Variants in SLC35A1 observed in about 807,000 individuals in gnomAD.
The protein encoded by SLC35A1 is CMP-sialic acid transporter.
Under a neutral mutation model 40.3 loss-of-function variants are expected in SLC35A1, and 21 were observed. That is an observed-to-expected ratio of 0.52 (90% CI 0.37 to 0.75). The LOEUF (loss-of-function observed/expected upper bound fraction) is 0.75, where lower values mean the gene tolerates loss of function less well. Among genes scored for constraint, SLC35A1 ranks in the 30% least tolerant of loss-of-function variants. The pLI, the probability that SLC35A1 is intolerant of heterozygous loss-of-function variation, is 0.00. For missense variants in SLC35A1, 297 were observed against 382.1 expected, an observed-to-expected ratio of 0.78 and a Z score of 1.86; for synonymous variants, 146 against 147.3, an observed-to-expected ratio of 0.99 and a Z score of 0.06.
intron 7 of SLC35A1, among the ~76,000 whole-genome samples, chr6:87,510,946 T>C (rs1299915694): frequency 6.6e-6 from 1 of 152,066 alleles, no homozygotes. Flanking sequence ...TCGCCTCATC[T>C]CCGATTAAGA....
chr6:87,491,174 A>G (rs1197678510), intron 2 of SLC35A1, among the ~76,000 whole-genome samples: 2 of 152,218 alleles, frequency 1.3e-5, no homozygotes, highest in East Asian at 3.8e-4. Context: ...TTTGCATTAT[A>G]TTAATTTGAT....
chr6:87,488,665 G>C (rs1435793927), intron 2 of SLC35A1: 1 of 152,186 alleles, frequency 6.6e-6, no homozygotes, highest in Non-Finnish European at 1.5e-5. Flanking sequence ...AGAATCTTCA[G>C]GTCCCAAGAA....
intron 2 of SLC35A1, among the ~76,000 whole-genome samples, chr6:87,497,915 G>T (rs1208100302): frequency 2.0e-5 from 3 of 147,954 alleles, no homozygotes; most frequent in African/African-American, 7.5e-5. Flanking sequence ...TTTTTTAAGA[G>T]AAGGGATTTT....
chr6:87,477,302 T>A, intron 1 of SLC35A1, 60 bp from the exon 2 acceptor site: 1 of 1,362,326 alleles, frequency 7.3e-7, no homozygotes, highest in Non-Finnish European at 1.0e-6. Flanking sequence ...AACTAGTTTA[T>A]TAACTTATAT....
intron 1 of SLC35A1, among the ~76,000 whole-genome samples, chr6:87,475,641 A>T (rs1214120763): frequency 2.0e-5 from 3 of 152,220 alleles, no homozygotes; most frequent in African/African-American, 7.2e-5. Context: ...GAAAATATTT[A>T]TATTGAAGAA....
chr6:87,473,815 T>G (rs771090372), intron 1 of SLC35A1, among the ~76,000 whole-genome samples: 1 of 152,234 alleles, frequency 6.6e-6, no homozygotes, highest in Admixed American at 6.5e-5. Flanking sequence ...CCAGGAGAAG[T>G]TGGGCAACAC....
chr6:87,478,922 ATGGCTCTGTCGTTCCCCT>A, intron 2 of SLC35A1, among the ~76,000 whole-genome samples: 1 of 152,298 alleles, frequency 6.6e-6, no homozygotes, highest in Admixed American at 6.5e-5. Flanking sequence ...CGTGGCCTCT[ATGGCTCTGTCGTTCCCCT>A]ATTGGCTAGG....
chr6:87,474,484 G>A (rs1219004719), intron 1 of SLC35A1, among the ~76,000 whole-genome samples: 2 of 152,232 alleles, frequency 1.3e-5, no homozygotes, highest in Admixed American at 6.5e-5. Flanking sequence ...GGGTTAAGAT[G>A]TGGCTGCCAG....
In SLC35A1 at chr6:87,509,183, T is replaced by G; in HGVS notation, c.886+8T>G. On this transcript the variant is annotated splice_region_variant and intron_variant, in intron 7 of 7. Transcript: ENST00000369552. ...TGTTTGGATTACAGATAAGTATGTC[T>G]TAGTTTGTGTTGAGTTTTTAACATG... is the stretch of plus-strand genomic sequence containing the variant. 1.2e-6 allele frequency: 2 copies of G among 1,614,026 alleles called. No homozygotes were observed. Among genetic ancestry groups the G allele is most frequent in the Non-Finnish European group, 1.7e-6 (2 of 1,179,906 alleles).
intron 2 of SLC35A1, among the ~76,000 whole-genome samples, chr6:87,487,578 C>A (rs12191498): frequency 1.3e-5 from 2 of 152,114 alleles, no homozygotes; most frequent in South Asian, 4.1e-4. Context: ...TATAACATGC[C>A]TGAACAAAGC....
intron 2 of SLC35A1, among the ~76,000 whole-genome samples, chr6:87,499,343 AC>A (rs1188844346): frequency 1.3e-5 from 2 of 152,236 alleles, no homozygotes; most frequent in Non-Finnish European, 1.5e-5. Flanking sequence ...TATTTCACCA[AC>A]AAAGTATTAT....
In SLC35A1 at chr6:87,511,758, A is replaced by AT. The variant is rs1489740772; in HGVS notation, c.*234dup. The AT allele has an allele frequency of 7.6e-6, 4 of 528,120 alleles. No individual in the cohort carries two copies. The African/African-American group carries it at 7.7e-5, about 10-fold the overall frequency. The allele number at this position is 528,120 out of a possible 1,614,324, so 32.7% of individuals were successfully genotyped here. On this transcript the variant is annotated 3_prime_UTR_variant, in exon 8 of 8. Transcript: ENST00000369552. ...TATTGTTTTAGAATGAAGGAATTGT[A>AT]TTATTGTGTGTATATATAATTTGTA...
intron 2 of SLC35A1, among the ~76,000 whole-genome samples, chr6:87,479,020 CG>C (rs1181336684): frequency 2.6e-5 from 4 of 151,972 alleles, no homozygotes; most frequent in African/African-American, 7.2e-5. Flanking sequence ...AGTGGTTTGG[CG>C]GGAAAAATGG....
intron 1 of SLC35A1, among the ~76,000 whole-genome samples, 196 bp from the exon 2 acceptor site, chr6:87,477,166 G>GGTGTGT (rs71018020): frequency 0.034 from 5,106 of 149,828 alleles, 144 homozygotes; most frequent in African/African-American, 0.083. Context: ...AGTCAGCTGT[G>GGTGTGT]GTGTGTGTGT....
At chr6:87,479,390 C>T (rs550450774) in intron 2 of SLC35A1, among the ~76,000 whole-genome samples, 1 of 152,168 alleles carries the variant, frequency 6.6e-6, no homozygotes, top group Non-Finnish European at 1.5e-5. Flanking sequence ...CAGCACCCGA[C>T]AAGAATAAGT....
At chr6:87,499,773 C>G (rs1041229296) in intron 2 of SLC35A1, among the ~76,000 whole-genome samples, 23 of 152,174 alleles carry the variant, frequency 1.5e-4, no homozygotes, top group African/African-American at 5.3e-4. Flanking sequence ...ACTTAACGAA[C>G]TACCAAAGCC....
At position 87,506,514 on chromosome 6, in the gene SLC35A1, C is replaced by CCT. The variant is rs1770087960; in HGVS notation, c.574+66_574+67insCT. The CCT allele has an allele frequency of 1.1e-5, 13 of 1,220,902 alleles. 1 individual carries two copies. In the South Asian group the frequency reaches 1.6e-4, roughly 15 times the overall value. 75.6% of individuals were successfully genotyped at this position (1,220,902 alleles called of 1,614,324 possible). A position where few individuals can be genotyped will look rare whatever the true frequency, so the allele number is the denominator to read the frequency against. On this transcript the variant is annotated intron_variant, in intron 5 of 7. Coordinates refer to ENST00000369552, the MANE Select transcript of SLC35A1 (RefSeq NM_006416.5). The stretch of plus-strand genomic sequence containing the variant: ...TTCGAAAACATCAAACTTTAGACAC[C>CCT]AGTCTAGTTTATCTTGCTTTCTCAG...
chr6:87,475,388 T>A (rs1236802091), intron 1 of SLC35A1, among the ~76,000 whole-genome samples: 1 of 152,228 alleles, frequency 6.6e-6, no homozygotes, highest in Non-Finnish European at 1.5e-5. Context: ...TTAAAGGTTA[T>A]TGCTGTATAT....
intron 5 of SLC35A1, 88 bp from the exon 6 acceptor site, chr6:87,508,332 T>A: frequency 1.2e-6 from 1 of 861,660 alleles, no homozygotes; most frequent in East Asian, 2.7e-5. Flanking sequence ...ATATACTTTA[T>A]ATATCTCTAG....
Sources: gnomAD v4.1 joint callset for allele counts (sites outside exome capture counted in the v4.1 genomes callset) on GRCh38, gnomAD v4.1.1 for gene constraint, MANE v1.5 for transcripts, NCBI Gene and HGNC (gene_info 2026-07-23, HGNC 2026-07-21) for gene names.